IQCM: variants seen among roughly 807,000 people sequenced by gnomAD.
IQCM encodes IQ motif containing M.
A neutral mutation model predicts 57.6 loss-of-function variants in IQCM; 45 were observed. That is an observed-to-expected ratio of 0.78 (90% CI 0.62 to 1.00). The LOEUF (loss-of-function observed/expected upper bound fraction) is 1.00. Ranked by LOEUF, IQCM falls within the 50% of genes least tolerant of loss-of-function variation. The pLI is 0.00. For synonymous variants in IQCM, 148 were observed against 158.9 expected (o/e 0.93, Z 0.51); for missense variants, 468 against 511.6 (o/e 0.91, Z 0.82).
chr4:149,767,585 G>A (rs1770176762), intron 2 of IQCM, among the ~76,000 whole-genome samples: 2 of 152,076 alleles, frequency 1.3e-5, no homozygotes, highest in Non-Finnish European at 1.5e-5. Flanking sequence ...GCTAACATCA[G>A]TATTGGAGGA....
intron 9 of IQCM, among the ~76,000 whole-genome samples, chr4:149,586,110 G>T (rs755336982): frequency 6.6e-6 from 1 of 151,576 alleles, no homozygotes; most frequent in African/African-American, 2.4e-5. Flanking sequence ...AGGAAAAAAG[G>T]CTTCCCAAAT....
chr4:149,784,779 A>G (rs1771931225), intron 2 of IQCM, among the ~76,000 whole-genome samples: 1 of 152,194 alleles, frequency 6.6e-6, no homozygotes, highest in African/African-American at 2.4e-5. Context: ...GTATTGTCTC[A>G]TTAGCACTCA....
At chr4:149,670,405 C>A (rs927642605) in intron 7 of IQCM, among the ~76,000 whole-genome samples, 1 of 152,108 alleles carries the variant, frequency 6.6e-6, no homozygotes, top group Non-Finnish European at 1.5e-5. Context: ...TCTAAATATA[C>A]AATCATGTCA....
intron 13 of IQCM, among the ~76,000 whole-genome samples, chr4:149,427,596 AT>A (rs532135392): frequency 2.0e-5 from 3 of 151,936 alleles, no homozygotes; most frequent in Non-Finnish European, 2.9e-5. Flanking sequence ...ACCCTAATAC[AT>A]TTTTTGTAAC....
chr4:149,767,207 A>T (rs1323938148), intron 2 of IQCM, among the ~76,000 whole-genome samples: 1 of 151,986 alleles, frequency 6.6e-6, no homozygotes, highest in Non-Finnish European at 1.5e-5. Context: ...AAAATTATCT[A>T]TCACTAAAAT....
At chr4:149,796,285 T>C (rs938140202) in intron 2 of IQCM, among the ~76,000 whole-genome samples, 5 of 152,178 alleles carry the variant, frequency 3.3e-5, no homozygotes, top group Non-Finnish European at 5.9e-5. Context: ...GTACTCCTCC[T>C]GTGCCTGAGG....
intron 13 of IQCM, among the ~76,000 whole-genome samples, chr4:149,382,646 A>C (rs567791791): frequency 1.4e-4 from 22 of 152,152 alleles, no homozygotes; most frequent in Non-Finnish European, 2.9e-4. Context: ...CTGATCACTC[A>C]CAGCAATCTT....
At chr4:149,805,579 G>T (rs1774000258) in intron 2 of IQCM, among the ~76,000 whole-genome samples, 1 of 151,948 alleles carries the variant, frequency 6.6e-6, no homozygotes, top group Non-Finnish European at 1.5e-5. Flanking sequence ...CTTTCATTTA[G>T]ATCAGATAAG....
At chr4:149,764,710 C>G (rs1394359482) in intron 2 of IQCM, among the ~76,000 whole-genome samples, 1 of 152,102 alleles carries the variant, frequency 6.6e-6, no homozygotes, top group Admixed American at 6.6e-5. Context: ...TTCTACAACT[C>G]TCTAGTGCAG....
intron 12 of IQCM, among the ~76,000 whole-genome samples, chr4:149,477,257 T>A (rs1376918964): frequency 6.6e-6 from 1 of 152,172 alleles, no homozygotes; most frequent in African/African-American, 2.4e-5. Flanking sequence ...GACTACTTTC[T>A]ATTGAAGCTA....
chr4:149,735,927 A>T (rs1402695388), intron 3 of IQCM, among the ~76,000 whole-genome samples: 1 of 151,894 alleles, frequency 6.6e-6, no homozygotes, highest in African/African-American at 2.4e-5. Context: ...GATTTTTCTA[A>T]GTTTCTTAAT....
chr4:149,622,510 T>A (rs1178416725), intron 7 of IQCM, among the ~76,000 whole-genome samples: 2 of 152,060 alleles, frequency 1.3e-5, no homozygotes, highest in Non-Finnish European at 2.9e-5. Flanking sequence ...GCCCGGCTAA[T>A]TTTTTGTATT....
intron 13 of IQCM, among the ~76,000 whole-genome samples, chr4:149,421,934 C>T (rs913479039): frequency 2.4e-4 from 37 of 151,976 alleles, no homozygotes; most frequent in African/African-American, 7.0e-4. Flanking sequence ...TATATTTGAA[C>T]TGAGATTTAC....
chr4:149,427,757 T>C (rs1238548248), intron 13 of IQCM, among the ~76,000 whole-genome samples: 3 of 151,832 alleles, frequency 2.0e-5, no homozygotes, highest in Non-Finnish European at 4.4e-5. Flanking sequence ...ACAATTACAA[T>C]TACCATGAAA....
chr4:149,564,240 G>A (rs868187019), intron 9 of IQCM, among the ~76,000 whole-genome samples: 3 of 152,162 alleles, frequency 2.0e-5, no homozygotes, highest in Non-Finnish European at 4.4e-5. Context: ...AAACTACAGA[G>A]TACTTCAAAA....
At chr4:149,534,051 TG>T (rs908079840) in intron 12 of IQCM, among the ~76,000 whole-genome samples, 2 of 152,132 alleles carry the variant, frequency 1.3e-5, no homozygotes, top group Non-Finnish European at 2.9e-5. Context: ...TTTTAGACAG[TG>T]ACAGTGATGT....
At chr4:149,663,027 C>G (rs1760364557) in intron 7 of IQCM, among the ~76,000 whole-genome samples, 1 of 151,780 alleles carries the variant, frequency 6.6e-6, no homozygotes, top group South Asian at 2.1e-4. Context: ...TTTTGTGATG[C>G]TAGGCTTTGT....
At chr4:149,743,184 C>A (rs1307661183) in intron 2 of IQCM, among the ~76,000 whole-genome samples, 1 of 152,156 alleles carries the variant, frequency 6.6e-6, no homozygotes. Flanking sequence ...CCAGTTAATA[C>A]CTGGCACATA....
rs1757353703 is a variant in IQCM, at chr4:149,632,492, A to ATTTTGTTATTAAT, written c.566-11249_566-11248insATTAATAACAAAA. 1.1e-4 allele frequency among the ~76,000 whole-genome samples: 17 copies of ATTTTGTTATTAAT among 152,294 alleles called. No homozygotes were observed. The South Asian group carries it at 3.5e-3, about 32-fold the overall frequency. On this transcript the variant is annotated intron_variant, in intron 7 of 13. Transcript: ENST00000636793. The stretch of plus-strand genomic sequence containing the variant: ...AAAGATTATTAATTTTGTTATTTTC[A>ATTTTGTTATTAAT]TCTGTTTTTGATGACCAGCTTGTCA...
Sources: gnomAD v4.1 joint callset for allele counts (sites outside exome capture counted in the v4.1 genomes callset) on GRCh38, gnomAD v4.1.1 for gene constraint, MANE v1.5 for transcripts, NCBI Gene and HGNC (gene_info 2026-07-23, HGNC 2026-07-21) for gene names.